CACNA2D4: variants seen among roughly 807,000 people sequenced by gnomAD.
CACNA2D4 encodes voltage-dependent calcium channel subunit alpha-2/delta-4.
In CACNA2D4, 157 loss-of-function variants were observed where a neutral mutation model predicts 163.8. That is an observed-to-expected ratio of 0.96 (90% CI 0.84 to 1.09). The LOEUF (loss-of-function observed/expected upper bound fraction) is 1.09, where lower values mean the gene tolerates loss of function less well. Among genes scored for constraint, CACNA2D4 ranks in the 50% least tolerant of loss-of-function variants. The probability of loss-of-function intolerance (pLI) is 0.00; values close to 1 mark genes in which losing one functional copy is unlikely to be tolerated. For missense variants in CACNA2D4, 1,410 were observed against 1,479.9 expected, an observed-to-expected ratio of 0.95 and a Z score of 0.78; for synonymous variants, 598 against 586.9, an observed-to-expected ratio of 1.02 and a Z score of -0.27.
rs886049124 is a variant in CACNA2D4, at chr12:1,800,437, G to A, written c.2870C>T (p.Pro957Leu). 25 of 1,613,728 alleles carry A rather than the reference G, an allele frequency of 1.5e-5. No individual in the cohort carries two copies. Among genetic ancestry groups the A allele is most frequent in the Non-Finnish European group, 2.1e-5 (25 of 1,179,850 alleles). ...HHSAAQPLVS[P>L]ISAFLTATRW... ...GGTCGCCGTCAAGAAGGCAGAAATT[G>A]GCTGGGAAGGAGAGAGTGCACACCG... is the stretch of plus-strand genomic sequence containing the variant. The change falls in exon 32 of 38, where the codon CCA becomes CTA. Residue 957 changes from proline (P) to leucine (L), a missense_variant and splice_region_variant. Transcript: ENST00000382722.
At chr12:1,882,138 G>A (rs1443419745) in intron 13 of CACNA2D4, among the ~76,000 whole-genome samples, 2 of 152,260 alleles carry the variant, frequency 1.3e-5, no homozygotes, top group Admixed American at 1.3e-4. Flanking sequence ...GCATGAGGAT[G>A]AGGGCCACAT....
intron 26 of CACNA2D4, among the ~76,000 whole-genome samples, chr12:1,815,428 T>C (rs1027666731): frequency 5.3e-5 from 8 of 150,944 alleles, no homozygotes; most frequent in Non-Finnish European, 8.8e-5. Flanking sequence ...TGGCTGTCCC[T>C]GGCCTCCCGA....
intron 2 of CACNA2D4, among the ~76,000 whole-genome samples, chr12:1,913,806 C>T (rs147101322): frequency 3.2e-4 from 49 of 152,298 alleles, no homozygotes; most frequent in Non-Finnish European, 6.0e-4. Flanking sequence ...ATGTATTGGC[C>T]GTGTGACCAC....
intron 26 of CACNA2D4, among the ~76,000 whole-genome samples, chr12:1,827,008 T>C (rs1254049478): frequency 3.3e-5 from 5 of 152,184 alleles, no homozygotes; most frequent in African/African-American, 1.2e-4. Context: ...AACCAGGAAT[T>C]ACCCAGGGAC....
chr12:1,827,739 A>G (rs567323844), intron 26 of CACNA2D4: 1 of 176,062 alleles, frequency 5.7e-6, no homozygotes, highest in South Asian at 2.0e-4. Context: ...GAATGCCCAG[A>G]TGGGAGACCA....
rs1866068510 is a variant in CACNA2D4 at position 1,883,900 on chromosome 12, G to C, written c.1351+343C>G. The C allele has an allele frequency of 3.6e-6, 1 of 278,630 alleles. No individual in the cohort carries two copies. The highest frequency in any genetic ancestry group is 6.8e-6 in the Non-Finnish European group (1 of 147,430). The allele number at this position is 278,630 out of a possible 1,614,324, so 17.3% of individuals were successfully genotyped here. A position where few individuals can be genotyped will look rare whatever the true frequency, so the allele number is the denominator to read the frequency against. On this transcript the variant is annotated intron_variant, in intron 12 of 37. Coordinates refer to ENST00000382722, the MANE Select transcript of CACNA2D4 (RefSeq NM_172364.5). This position sits in a 1 kb window ranked among gnomAD's most constrained non-coding sequence, Gnocchi z 4.5. Reference sequence around the variant, plus strand: ...CATAGTGGATGCTCAGTGAATTTTTGTTGAATCAATGGGGTCTGGTCAGAG... The same window carrying C: ...CATAGTGGATGCTCAGTGAATTTTTCTTGAATCAATGGGGTCTGGTCAGAG...
chr12:1,882,314 TCA>T (rs1294281992), intron 13 of CACNA2D4, among the ~76,000 whole-genome samples: 1 of 152,204 alleles, frequency 6.6e-6, no homozygotes, highest in Non-Finnish European at 1.5e-5. Flanking sequence ...TGATACATCA[TCA>T]CTGAAGCAGG....
At chr12:1,840,890 T>A in intron 25 of CACNA2D4, 71 bp from the exon 26 acceptor site, 1 of 1,306,302 alleles carries the variant, frequency 7.7e-7, no homozygotes, top group Non-Finnish European at 1.1e-6. Context: ...TACCACTTTC[T>A]TGGAATAGGA....
In CACNA2D4 at chr12:1,823,714, G is replaced by C. The variant is rs185026782; in HGVS notation, c.2552-11991C>G. Among the ~76,000 whole-genome samples, 819 of 152,308 alleles carry C rather than the reference G, an allele frequency of 5.4e-3. 9 individuals carry two copies. The highest frequency in any genetic ancestry group is 9.5e-3 in the South Asian group (46 of 4,824). On this transcript the variant is annotated intron_variant, in intron 26 of 37. Transcript: ENST00000382722. ...TCAAGAAGAGAGGCTGGGAAGAGGA[G>C]AACCTGTCTTGCTTGCATCTCAGTC...
rs760042847 is a variant in CACNA2D4, at chr12:1,874,581, C to T, written c.1878+23G>A. The T allele has an allele frequency of 4.2e-5, 66 of 1,563,926 alleles. No homozygotes were observed. Among genetic ancestry groups the T allele is most frequent in the Non-Finnish European group, 5.6e-5 (63 of 1,134,578 alleles). ...ATGAAGATGCCTTCCTAGGCCATGC[C>T]CTGGCTGTTTCTAGCTCCTTACCCC... On this transcript the variant is annotated intron_variant, in intron 18 of 37. Coordinates refer to ENST00000382722, the MANE Select transcript of CACNA2D4 (RefSeq NM_172364.5). This position sits in a 1 kb window ranked among gnomAD's most constrained non-coding sequence, Gnocchi z 4.4.
In CACNA2D4 at chr12:1,875,788, GT is replaced by G. The variant is rs1592726925; in HGVS notation, c.1720-452del. 6.6e-6 allele frequency among the ~76,000 whole-genome samples: 1 copy of G among 152,222 alleles called. No homozygotes were observed. The highest frequency in any genetic ancestry group is 2.4e-5 in the African/African-American group (1 of 41,442). On this transcript the variant is annotated intron_variant, in intron 16 of 37. Transcript: ENST00000382722. The surrounding 1 kb of genome is among the most constrained non-coding windows in gnomAD (Gnocchi z 4.0). ...CCTAAGACTTCACTGCTCCAACTGA[GT>G]TTGCCCGGTGTGCAGGTGCCTCAGC... is the stretch of plus-strand genomic sequence containing the variant.
rs1159919947 is a variant in CACNA2D4 at position 1,830,840 on chromosome 12, C to T, written c.2551+9899G>A. On this transcript the variant is annotated intron_variant, in intron 26 of 37. Transcript: ENST00000382722. ...TGGCTTGTGCCAAAGGAGATAAAGCCAAGAGCCTGTTATGAGCTAGAAAGG... is the reference window on the plus strand; with the variant it reads ...TGGCTTGTGCCAAAGGAGATAAAGCTAAGAGCCTGTTATGAGCTAGAAAGG... 5 of 1,048,584 alleles carry T rather than the reference C, an allele frequency of 4.8e-6. No homozygotes were observed. The East Asian group carries it at 1.1e-4, about 22-fold the overall frequency. 65.0% of individuals were successfully genotyped at this position (1,048,584 alleles called of 1,614,324 possible). A position where few individuals can be genotyped will look rare whatever the true frequency, so the allele number is the denominator to read the frequency against.
In CACNA2D4 at chr12:1,806,075, C is replaced by T. The variant is rs554947302; in HGVS notation, c.2721+4203G>A. Among the ~76,000 whole-genome samples the T allele has an allele frequency of 2.6e-4, 40 of 152,310 alleles. No individual in the cohort carries two copies. The highest frequency in any genetic ancestry group is 9.4e-4 in the African/African-American group (39 of 41,566). On this transcript the variant is annotated intron_variant, in intron 29 of 37. Coordinates refer to ENST00000382722, the MANE Select transcript of CACNA2D4 (RefSeq NM_172364.5). This position sits in a 1 kb window ranked among gnomAD's most constrained non-coding sequence, Gnocchi z 4.1. ...TGTGCTCTGAGAGATCCAGGTCCCT[C>T]AGGGAAAGGTGCTGGGATGGGGCCT...
Position 1,918,571 on chromosome 12 carries a change from G to C in CACNA2D4, c.-98C>G. ...GGTCTCCAGCCTCTCAGTCCTGGGT[G>C]GGGAGGGCTTCTCTCTGCCCCACAG... On this transcript the variant is annotated 5_prime_UTR_variant, in exon 1 of 38. Coordinates refer to ENST00000382722, the MANE Select transcript of CACNA2D4 (RefSeq NM_172364.5). 1 of 904,156 alleles carries C rather than the reference G, an allele frequency of 1.1e-6. No homozygotes were observed. The highest frequency in any genetic ancestry group is 1.7e-6 in the Non-Finnish European group (1 of 589,570). The allele number at this position is 904,156 out of a possible 1,614,324, so 56.0% of individuals were successfully genotyped here.
rs528359746 is a variant in CACNA2D4 at position 1,795,735 on chromosome 12, CAGG to C, written c.3156_3158del (p.Leu1053del). 21 of 1,613,696 alleles carry C rather than the reference CAGG, an allele frequency of 1.3e-5. No homozygotes were observed. The highest frequency in any genetic ancestry group is 2.2e-5 in the South Asian group (2 of 91,068). ...TGCAGTCACAGGTGGGGTCTGTCAC[CAGG>C]AGGAGGAGGTTACTGTTGGGAATCT... On this transcript the variant is annotated inframe_deletion, in exon 36 of 38. Transcript: ENST00000382722.
rs1370006303 is a variant in CACNA2D4, at chr12:1,828,281, A to G, written c.2551+12458T>C. The G allele has an allele frequency of 5.8e-6, 8 of 1,381,414 alleles. No homozygotes were observed. The highest frequency in any genetic ancestry group is 2.3e-5 in the Admixed American group (1 of 43,962). 85.6% of individuals were successfully genotyped at this position (1,381,414 alleles called of 1,614,324 possible). ...TGGGGGTGCCGAGGTGACTGTAGGT[A>G]GCGCCATATGGGACCTTAGCCACAC... On this transcript the variant is annotated intron_variant, in intron 26 of 37. Transcript: ENST00000382722. The surrounding 1 kb of genome is among the most constrained non-coding windows in gnomAD (Gnocchi z 4.2).
At chr12:1,853,922 G>C (rs1378862169) in intron 23 of CACNA2D4, 29 bp downstream of exon 23, 9 of 1,575,246 alleles carry the variant, frequency 5.7e-6, no homozygotes, top group African/African-American at 2.7e-5. Context: ...GGCTGGTTGG[G>C]GCCTGGGAAC....
chr12:1,909,253 G>A (rs914401001), intron 4 of CACNA2D4, among the ~76,000 whole-genome samples: 2 of 152,174 alleles, frequency 1.3e-5, no homozygotes, highest in Non-Finnish European at 2.9e-5. Flanking sequence ...GTGCAGTGGC[G>A]CGATCTCGGC....
At chr12:1,846,362 C>G (rs540346384) in intron 24 of CACNA2D4, among the ~76,000 whole-genome samples, 84 of 151,068 alleles carry the variant, frequency 5.6e-4, no homozygotes, top group African/African-American at 2.0e-3. Context: ...GGAAGGGTTG[C>G]CTTTCCCACT....
Sources: gnomAD v4.1 joint callset for allele counts (sites outside exome capture counted in the v4.1 genomes callset) on GRCh38, gnomAD v4.1.1 for gene constraint, Gnocchi (gnomAD v3.1) non-coding constraint, MANE v1.5 for transcripts, NCBI Gene and HGNC (gene_info 2026-07-23, HGNC 2026-07-21) for gene names.